The following TMEM117 variants were observed in gnomAD, a reference collection of about 807,000 sequenced individuals.
The protein encoded by TMEM117 is transmembrane protein 117.
TMEM117 carries 27 observed loss-of-function variants against 52.4 expected under a neutral mutation model. The observed-to-expected ratio is 0.51, with a 90% CI of 0.38 to 0.71. The LOEUF (loss-of-function observed/expected upper bound fraction) is 0.71. TMEM117 is among the 30% of genes least tolerant of loss of function. TMEM117 has a pLI of 0.00. For missense variants in TMEM117, 556 were observed against 630.5 expected (o/e 0.88, Z 1.26); for synonymous variants, 215 against 206.3 (o/e 1.04, Z -0.36).
At chr12:44,090,835 A>ATG (rs1947655147) in intron 3 of TMEM117, among the ~76,000 whole-genome samples, 2 of 108,860 alleles carry the variant, frequency 1.8e-5, no homozygotes, top group South Asian at 5.3e-4. Flanking sequence ...TCCTGTATTT[A>ATG]TGTGTTTTTT....
At chr12:43,898,044 GCA>G (rs1300397417) in intron 2 of TMEM117, among the ~76,000 whole-genome samples, 2 of 127,768 alleles carry the variant, frequency 1.6e-5, no homozygotes, top group Non-Finnish European at 3.3e-5. Flanking sequence ...ACACACACAC[GCA>G]CGCACACACA....
At chr12:44,264,932 A>G (rs1950359625) in intron 5 of TMEM117, among the ~76,000 whole-genome samples, 1 of 152,208 alleles carries the variant, frequency 6.6e-6, no homozygotes, top group Non-Finnish European at 1.5e-5. Context: ...AGATATTATA[A>G]TTTGCCCCAA....
intron 2 of TMEM117, among the ~76,000 whole-genome samples, chr12:43,871,099 T>TG (rs929579252): frequency 9.3e-5 from 14 of 150,272 alleles, no homozygotes; most frequent in Non-Finnish European, 7.4e-5. Flanking sequence ...TTTTGTTTTT[T>TG]TTTTTTTGTT....
chr12:44,105,109 C>T (rs765150591), intron 3 of TMEM117, among the ~76,000 whole-genome samples: 4 of 151,904 alleles, frequency 2.6e-5, no homozygotes, highest in Admixed American at 1.3e-4. Flanking sequence ...ACTAAGCTTA[C>T]ATTACACCTT....
intron 6 of TMEM117, among the ~76,000 whole-genome samples, chr12:44,327,367 G>A (rs979398898): frequency 6.6e-6 from 1 of 152,144 alleles, no homozygotes; most frequent in Non-Finnish European, 1.5e-5. Flanking sequence ...GTTGTGTAGA[G>A]GAATAACAGG....
intron 4 of TMEM117, among the ~76,000 whole-genome samples, chr12:44,174,453 A>G (rs1949091148): frequency 6.6e-6 from 1 of 152,008 alleles, no homozygotes; most frequent in South Asian, 2.1e-4. Context: ...ATACTTAACT[A>G]TTTTTTTGAG....
chr12:44,058,206 C>T (rs775378379), intron 3 of TMEM117, among the ~76,000 whole-genome samples: 3 of 151,816 alleles, frequency 2.0e-5, no homozygotes, highest in Non-Finnish European at 4.4e-5. Flanking sequence ...GCAATTTAAC[C>T]TTCTCAAAAA....
intron 3 of TMEM117, among the ~76,000 whole-genome samples, chr12:44,107,365 C>A (rs1947975079): frequency 2.0e-5 from 3 of 152,016 alleles, no homozygotes; most frequent in Admixed American, 1.3e-4. Context: ...TTGTGACCAG[C>A]ATCAAAAGAG....
chr12:44,279,786 T>C (rs1014581820), intron 5 of TMEM117, among the ~76,000 whole-genome samples: 1 of 152,180 alleles, frequency 6.6e-6, no homozygotes, highest in Non-Finnish European at 1.5e-5. Flanking sequence ...AGTGCTGGGA[T>C]TACAGGCGTG....
chr12:44,111,829 T>C lies in TMEM117; in HGVS notation c.411-31696T>C, dbSNP rs1434346945. ...GGGTGTTAAAGTCTCCCATTATTAA[T>C]GTGTGGGAGTCTAAGTCTCTTTGTA... is the stretch of plus-strand genomic sequence containing the variant. On this transcript the variant is annotated intron_variant, in intron 3 of 7. Transcript: ENST00000266534. Among the ~76,000 whole-genome samples the C allele has an allele frequency of 3.0e-3, 398 of 132,888 alleles. 3 individuals carry two copies. The highest frequency in any genetic ancestry group is 7.4e-3 in the South Asian group (30 of 4,078). The allele number at this position is 132,888 out of a possible 152,430, so 87.2% of individuals were successfully genotyped here.
intron 6 of TMEM117, among the ~76,000 whole-genome samples, chr12:44,312,375 T>C (rs1007773563): frequency 1.3e-5 from 2 of 152,156 alleles, no homozygotes; most frequent in Non-Finnish European, 2.9e-5. Context: ...GGTTTTCTGT[T>C]CCTATGTTAA....
At chr12:44,189,785 G>A (rs1203656249) in intron 4 of TMEM117, among the ~76,000 whole-genome samples, 1 of 152,148 alleles carries the variant, frequency 6.6e-6, no homozygotes, top group African/African-American at 2.4e-5. Context: ...ACTCCAAGGA[G>A]ATATAGTAGT....
chr12:44,272,919 C>T (rs774611606), intron 5 of TMEM117, among the ~76,000 whole-genome samples: 9 of 152,132 alleles, frequency 5.9e-5, no homozygotes, highest in Non-Finnish European at 1.3e-4. Flanking sequence ...GACACATGCA[C>T]ACGTATGTTT....
Position 43,929,781 on chromosome 12 carries a change from T to C in TMEM117, c.278-14429T>C, listed in dbSNP as rs576005844. ...CTATTAAATCTATCCATTGGTTATT[T>C]CTTTGGTAAAATTCATAATCTTTTT... On this transcript the variant is annotated intron_variant, in intron 2 of 7. Transcript: ENST00000266534. Among the ~76,000 whole-genome samples the C allele has an allele frequency of 3.9e-5, 6 of 152,316 alleles. No individual in the cohort carries two copies. The South Asian group carries it at 1.2e-3, about 32-fold the overall frequency.
chr12:44,251,935 T>C (rs1950200851), intron 5 of TMEM117, among the ~76,000 whole-genome samples: 1 of 151,930 alleles, frequency 6.6e-6, no homozygotes, highest in Non-Finnish European at 1.5e-5. Flanking sequence ...CCTCCTTCAC[T>C]ACTCCCTTAC....
intron 3 of TMEM117, among the ~76,000 whole-genome samples, chr12:44,069,611 GA>G (rs1479050453): frequency 2.0e-5 from 3 of 152,278 alleles, no homozygotes; most frequent in South Asian, 2.1e-4. Context: ...TAGGGTCTTG[GA>G]AAGGCTGACA....
At chr12:44,091,507 G>A (rs1485118157) in intron 3 of TMEM117, among the ~76,000 whole-genome samples, 1 of 152,124 alleles carries the variant, frequency 6.6e-6, no homozygotes, top group African/African-American at 2.4e-5. Flanking sequence ...AGTGTAATTT[G>A]TACAATGTCA....
chr12:43,805,476 C>G, the TMEM117 span: 1 of 450,056 alleles, frequency 2.2e-6, no homozygotes, highest in Non-Finnish European at 4.5e-6. Context: ...GTTAAGTGAT[C>G]GCGAGTAACC....
chr12:44,347,191 G>A (rs1951499983), intron 6 of TMEM117, among the ~76,000 whole-genome samples: 1 of 151,958 alleles, frequency 6.6e-6, no homozygotes, highest in Non-Finnish European at 1.5e-5. Flanking sequence ...ATGGTGAATA[G>A]TTTTCTAGAT....
Sources: gnomAD v4.1 joint callset for allele counts (sites outside exome capture counted in the v4.1 genomes callset) on GRCh38, gnomAD v4.1.1 for gene constraint, MANE v1.5 for transcripts, NCBI Gene and HGNC (gene_info 2026-07-23, HGNC 2026-07-21) for gene names.